The following SYNCRIP variants were observed in gnomAD, a reference collection of about 807,000 sequenced individuals.
The protein encoded by SYNCRIP is heterogeneous nuclear ribonucleoprotein Q.
SYNCRIP carries 9 observed loss-of-function variants against 68.9 expected under a neutral mutation model. The observed-to-expected ratio is 0.13, with a 90% confidence interval of 0.08 to 0.23. The LOEUF (loss-of-function observed/expected upper bound fraction) is 0.23, where lower values mean the gene tolerates loss of function less well. Among genes scored for constraint, SYNCRIP ranks in the 10% least tolerant of loss-of-function variants. SYNCRIP has a pLI of 1.00. For synonymous variants in SYNCRIP, 258 were observed against 254.0 expected, an observed-to-expected ratio of 1.02 and a Z score of -0.15; for missense variants, 414 against 770.6, an observed-to-expected ratio of 0.54 and a Z score of 5.48.
At chr6:85,638,523 G>T (rs867018273) in intron 4 of SYNCRIP, among the ~76,000 whole-genome samples, 1 of 151,608 alleles carries the variant, frequency 6.6e-6, no homozygotes, top group African/African-American at 2.4e-5. Context: ...TATTAGCTAG[G>T]ACATTCTGAA....
intron 6 of SYNCRIP, among the ~76,000 whole-genome samples, chr6:85,631,405 A>C (rs2128294719): frequency 6.6e-6 from 1 of 151,418 alleles, no homozygotes; most frequent in African/African-American, 2.4e-5. Context: ...AATTAAAAGG[A>C]AGAGTGGGGA....
intron 6 of SYNCRIP, among the ~76,000 whole-genome samples, chr6:85,632,609 T>C (rs1807927256): frequency 6.6e-6 from 1 of 152,210 alleles, no homozygotes; most frequent in Non-Finnish European, 1.5e-5. Flanking sequence ...AAAGCAAATC[T>C]ACCAGATCCT....
At position 85,614,325 on chromosome 6, in the gene SYNCRIP, G is replaced by T. The variant is rs1198439880; in HGVS notation, c.*431C>A. 1.0e-6 allele frequency: 1 copy of T among 987,150 alleles called. No homozygotes were observed. Among genetic ancestry groups the T allele is most frequent in the Non-Finnish European group, 1.2e-6 (1 of 830,982 alleles). 61.1% of individuals were successfully genotyped at this position (987,150 alleles called of 1,614,324 possible). On this transcript the variant is annotated 3_prime_UTR_variant, in exon 11 of 11. Transcript: ENST00000369622. ...TCAAAGTTCTAAATTAAAAATAGCA[G>T]TTGTGTATCAATTTACCTTATTCTA...
chr6:85,643,653 C>G (rs1809475190), upstream of SYNCRIP: 1 of 151,656 alleles, frequency 6.6e-6, no homozygotes, highest in Admixed American at 6.6e-5. Context: ...CCACCCCCAC[C>G]GAGCTCCCGC....
intron 4 of SYNCRIP, 152 bp from the exon 5 acceptor site, chr6:85,637,508 C>T (rs1401118409): frequency 5.2e-6 from 3 of 578,458 alleles, no homozygotes; most frequent in Non-Finnish European, 9.1e-6. Context: ...AAAATTTCCC[C>T]TTAAATGTGT....
intron 6 of SYNCRIP, among the ~76,000 whole-genome samples, chr6:85,624,496 A>AT (rs1293626758): frequency 6.6e-6 from 1 of 152,224 alleles, no homozygotes; most frequent in African/African-American, 2.4e-5. Flanking sequence ...ACCTAAATCT[A>AT]TTTTTCCATC....
intron 6 of SYNCRIP, 134 bp from the exon 7 acceptor site, chr6:85,624,246 G>T: frequency 2.5e-6 from 2 of 812,512 alleles, no homozygotes; most frequent in African/African-American, 1.7e-5. Flanking sequence ...GAATTATGAG[G>T]AACAGATTAT....
At chr6:85,643,819 C>T (rs1274855035), upstream of SYNCRIP, 2 of 152,180 alleles carry the variant, frequency 1.3e-5, no homozygotes, top group Admixed American at 6.5e-5. Context: ...GTGTCCACGC[C>T]GCTGCCACCG....
chr6:85,618,681 C>T (rs988521730), intron 10 of SYNCRIP, 137 bp downstream of exon 10: 1 of 655,674 alleles, frequency 1.5e-6, no homozygotes. Flanking sequence ...CTGGTGTTTC[C>T]CTATGACTCT....
intron 7 of SYNCRIP, among the ~76,000 whole-genome samples, chr6:85,623,573 A>AAAAAAAAAAAAAAAAAC (rs1562087709): frequency 6.7e-6 from 1 of 149,518 alleles, no homozygotes; most frequent in East Asian, 2.0e-4. Context: ...AAAAAAAAAA[A>AAAAAAAAAAAAAAAAAC]AAAAAAAAAA....
chr6:85,623,505 AG>A (rs1298632091), intron 7 of SYNCRIP, among the ~76,000 whole-genome samples: 2 of 138,962 alleles, frequency 1.4e-5, no homozygotes, highest in African/African-American at 5.4e-5. Flanking sequence ...CAGAGGCTGC[AG>A]GGAGCCAAGA....
intron 4 of SYNCRIP, among the ~76,000 whole-genome samples, chr6:85,637,664 T>C (rs1428428786): frequency 6.6e-6 from 1 of 152,218 alleles, no homozygotes; most frequent in Non-Finnish European, 1.5e-5. Flanking sequence ...CAGGATGTAT[T>C]ACTATGTTAA....
intron 7 of SYNCRIP, among the ~76,000 whole-genome samples, chr6:85,623,768 C>A (rs1000656268): frequency 2.6e-5 from 4 of 152,102 alleles, no homozygotes; most frequent in African/African-American, 9.7e-5. Flanking sequence ...GTATTCCCTA[C>A]TAACTTGTAC....
At chr6:85,638,380 C>CAAAAAAAAAAAAAAAAAAAAAAA in intron 4 of SYNCRIP, among the ~76,000 whole-genome samples, 1 of 42,848 alleles carries the variant, frequency 2.3e-5, no homozygotes, top group Non-Finnish European at 3.9e-5. Context: ...GACCCCATCT[C>CAAAAAAAAAAAAAAAAAAAAAAA]AAAAAAAAAA....
exon 12 of SYNCRIP, chr6:85,608,456 CA>C (rs906878748): frequency 7.9e-5 from 12 of 151,958 alleles, no homozygotes; most frequent in African/African-American, 2.9e-4. Context: ...AACTGATCTC[CA>C]AACAAGCACA....
intron 6 of SYNCRIP, among the ~76,000 whole-genome samples, chr6:85,632,887 A>G (rs1353749990): frequency 6.6e-6 from 1 of 152,176 alleles, no homozygotes; most frequent in Non-Finnish European, 1.5e-5. Context: ...GTGAGCATTG[A>G]TCATGACACT....
At chr6:85,611,076 C>T (rs1805199848), downstream of SYNCRIP, 1 of 151,906 alleles carries the variant, frequency 6.6e-6, no homozygotes, top group Non-Finnish European at 1.5e-5. Flanking sequence ...CCCAGCTATC[C>T]CAGTAACTGA....
chr6:85,629,631 G>A (rs1807479391), intron 6 of SYNCRIP, among the ~76,000 whole-genome samples: 1 of 151,584 alleles, frequency 6.6e-6, no homozygotes, highest in Non-Finnish European at 1.5e-5. Flanking sequence ...AGACCAGCCT[G>A]GCCAATATGG....
At chr6:85,631,411 G>A (rs2128294726) in intron 6 of SYNCRIP, among the ~76,000 whole-genome samples, 1 of 151,620 alleles carries the variant, frequency 6.6e-6, no homozygotes, top group South Asian at 2.1e-4. Context: ...AAGGAAGAGT[G>A]GGGAAAGAGG....
Sources: allele counts gnomAD v4.1 joint callset (sites outside exome capture counted in the v4.1 genomes callset), GRCh38; gene constraint gnomAD v4.1.1; transcripts MANE v1.5; gene names NCBI Gene and HGNC (gene_info 2026-07-23, HGNC 2026-07-21).